Variants in NRG3 observed in about 807,000 individuals in gnomAD.
NRG3 encodes pro-neuregulin-3, membrane-bound isoform.
A neutral mutation model predicts 66.9 loss-of-function variants in NRG3; 31 were observed. That is an observed-to-expected ratio of 0.46 (90% CI 0.35 to 0.63). The LOEUF is 0.63. Ranked by LOEUF, NRG3 falls within the 20% of genes least tolerant of loss-of-function variation. The pLI, the probability that NRG3 is intolerant of heterozygous loss-of-function variation, is 0.00. For missense variants in NRG3, 910 were observed against 878.9 expected (o/e 1.04, Z -0.45); for synonymous variants, 393 against 359.4 (o/e 1.09, Z -1.06).
chr10:82,850,561 C>A (rs754403463), intron 3 of NRG3, among the ~76,000 whole-genome samples: 5 of 152,088 alleles, frequency 3.3e-5, no homozygotes, highest in African/African-American at 4.8e-5. Context: ...AATAAAATAT[C>A]AAATGCTGGT....
intron 1 of NRG3, among the ~76,000 whole-genome samples, chr10:82,170,082 G>C (rs1016194086): frequency 2.0e-5 from 3 of 151,076 alleles, no homozygotes; most frequent in African/African-American, 7.3e-5. Context: ...CTGAACTGCT[G>C]TAGTGCATTA....
intron 2 of NRG3, among the ~76,000 whole-genome samples, chr10:82,435,761 G>A (rs762202429): frequency 6.8e-6 from 1 of 146,774 alleles, no homozygotes; most frequent in Non-Finnish European, 1.5e-5. Flanking sequence ...GTGGTTTTGA[G>A]TGAGTTTCTT....
At chr10:82,752,572 C>A (rs2058911951) in intron 3 of NRG3, among the ~76,000 whole-genome samples, 2 of 152,132 alleles carry the variant, frequency 1.3e-5, no homozygotes, top group South Asian at 4.1e-4. Context: ...TAATTGTATA[C>A]AATTCCATTC....
intron 3 of NRG3, among the ~76,000 whole-genome samples, chr10:82,797,123 C>T (rs2060832282): frequency 6.6e-6 from 1 of 152,046 alleles, no homozygotes; most frequent in African/African-American, 2.4e-5. Flanking sequence ...ATTTTTACTC[C>T]ATTGCGTTCG....
chr10:82,721,978 T>A lies in NRG3; in HGVS notation c.954-16599T>A, dbSNP rs368597818. On this transcript the variant is annotated intron_variant, in intron 2 of 8. Transcript: ENST00000372141. ...AAAAAAAAAAATGGGAGGGGACATG[T>A]TACCCAAACTCTAGCCAGTTGAATT... Among the ~76,000 whole-genome samples the A allele has an allele frequency of 4.6e-5, 7 of 152,046 alleles. No individual in the cohort carries two copies. The East Asian group carries it at 1.4e-3, about 29-fold the overall frequency.
At chr10:82,724,585 T>G (rs2057489410) in intron 2 of NRG3, among the ~76,000 whole-genome samples, 1 of 152,218 alleles carries the variant, frequency 6.6e-6, no homozygotes, top group Non-Finnish European at 1.5e-5. Context: ...TAGAACCTTC[T>G]ATGATTCAGG....
intron 3 of NRG3, among the ~76,000 whole-genome samples, chr10:82,764,374 ATTTTT>A (rs58671270): frequency 5.2e-5 from 7 of 134,430 alleles, no homozygotes; most frequent in African/African-American, 1.7e-4. Flanking sequence ...CCCTATGCAA[ATTTTT>A]TTTTTTTTTT....
intron 1 of NRG3, among the ~76,000 whole-genome samples, chr10:82,036,656 G>A (rs2062804698): frequency 6.6e-6 from 1 of 152,062 alleles, no homozygotes; most frequent in South Asian, 2.1e-4. Context: ...TAAGTGTATA[G>A]TACAGCATTA....
At chr10:82,502,067 G>T (rs146126596) in intron 2 of NRG3, among the ~76,000 whole-genome samples, 1 of 152,296 alleles carries the variant, frequency 6.6e-6, no homozygotes, top group Non-Finnish European at 1.5e-5. Flanking sequence ...AGCAGAGAGA[G>T]GGTTCATTTG....
intron 2 of NRG3, among the ~76,000 whole-genome samples, chr10:82,618,444 A>T (rs920451213): frequency 6.6e-6 from 1 of 152,206 alleles, no homozygotes; most frequent in Non-Finnish European, 1.5e-5. Flanking sequence ...TAATTAATTC[A>T]TTAGGAAAGA....
intron 2 of NRG3, among the ~76,000 whole-genome samples, chr10:82,447,736 T>G (rs2090809486): frequency 6.6e-6 from 1 of 152,238 alleles, no homozygotes; most frequent in Admixed American, 6.5e-5. Context: ...ATTACTGAAC[T>G]TTGGAGGTGT....
chr10:81,935,353 G>A (rs1245909536), intron 1 of NRG3, among the ~76,000 whole-genome samples: 2 of 152,134 alleles, frequency 1.3e-5, no homozygotes, highest in African/African-American at 2.4e-5. Context: ...TTTGTGATGA[G>A]TAATTTCCTA....
intron 1 of NRG3, among the ~76,000 whole-genome samples, chr10:82,187,444 T>C (rs2073873040): frequency 6.6e-6 from 1 of 152,216 alleles, no homozygotes; most frequent in Non-Finnish European, 1.5e-5. Flanking sequence ...CAAAGATATT[T>C]TCAAAATTCA....
intron 1 of NRG3, among the ~76,000 whole-genome samples, chr10:82,208,722 A>G (rs1406392939): frequency 2.0e-5 from 3 of 152,186 alleles, no homozygotes; most frequent in Non-Finnish European, 4.4e-5. Context: ...CTAGCTTTTA[A>G]CTAGTTTATC....
intron 1 of NRG3, among the ~76,000 whole-genome samples, chr10:81,974,112 A>C (rs1427451192): frequency 6.6e-6 from 1 of 152,132 alleles, no homozygotes; most frequent in Non-Finnish European, 1.5e-5. Context: ...GTCCAGTTTT[A>C]ATCTTGTGCA....
At chr10:82,342,864 T>G (rs2082755610) in intron 1 of NRG3, among the ~76,000 whole-genome samples, 1 of 152,144 alleles carries the variant, frequency 6.6e-6, no homozygotes, top group Admixed American at 6.6e-5. Context: ...AGTAAAGTTT[T>G]TCCTAGGTTT....
chr10:82,986,921 C>T lies in NRG3; in HGVS notation c.*1316C>T, dbSNP rs1853471747. The T allele has an allele frequency of 6.6e-6, 1 of 152,150 alleles. No individual in the cohort carries two copies. Among genetic ancestry groups the T allele is most frequent in the Admixed American group, 6.5e-5 (1 of 15,268 alleles). The allele number at this position is 152,150 out of a possible 1,614,324, so 9.4% of individuals were successfully genotyped here. ...AATAAATTGTTGAAATAAAAATACC[C>T]AGACTATTCAGTTCACAAGAAGCCC... On this transcript the variant is annotated 3_prime_UTR_variant, in exon 9 of 9. Transcript: ENST00000372141.
intron 2 of NRG3, among the ~76,000 whole-genome samples, chr10:82,534,163 T>C (rs921195836): frequency 1.3e-5 from 2 of 152,028 alleles, no homozygotes; most frequent in South Asian, 4.1e-4. Context: ...GAAAACAATA[T>C]TGTTAAGACA....
chr10:82,086,100 A>AAAGG (rs1217474208), intron 1 of NRG3, among the ~76,000 whole-genome samples: 1 of 149,202 alleles, frequency 6.7e-6, no homozygotes, highest in Non-Finnish European at 1.5e-5. Context: ...AGATTTGGGT[A>AAAGG]ACTGATATGG....
Sources: allele counts gnomAD v4.1 joint callset (sites outside exome capture counted in the v4.1 genomes callset), GRCh38; gene constraint gnomAD v4.1.1; transcripts MANE v1.5; gene names NCBI Gene and HGNC (gene_info 2026-07-23, HGNC 2026-07-21).